Variants in GNA14 observed in about 807,000 individuals in gnomAD.
The protein encoded by GNA14 is G protein subunit alpha 14.
A neutral mutation model predicts 42.0 loss-of-function variants in GNA14; 50 were observed. That is an observed-to-expected ratio of 1.19 (90% CI 0.95 to 1.51). The LOEUF is 1.51. Ranked by LOEUF, GNA14 falls within the 40% of genes most tolerant of loss-of-function variation. GNA14 has a pLI of 0.00. For synonymous variants in GNA14, 173 were observed against 163.1 expected (o/e 1.06, Z -0.46); for missense variants, 473 against 446.2 (o/e 1.06, Z -0.54).
At chr9:77,472,857 T>C (rs947120619) in intron 2 of GNA14, among the ~76,000 whole-genome samples, 4 of 151,434 alleles carry the variant, frequency 2.6e-5, no homozygotes, top group Non-Finnish European at 5.9e-5. Flanking sequence ...ATGTGAACCA[T>C]CTGCAAGCCA....
intron 1 of GNA14, among the ~76,000 whole-genome samples, chr9:77,595,291 T>C (rs1823447428): frequency 6.6e-6 from 1 of 152,206 alleles, no homozygotes; most frequent in Admixed American, 6.5e-5. Flanking sequence ...ACTAGGTGGA[T>C]AAATTATAAA....
intron 1 of GNA14, among the ~76,000 whole-genome samples, chr9:77,613,086 C>A (rs550628217): frequency 6.6e-6 from 1 of 152,138 alleles, no homozygotes; most frequent in African/African-American, 2.4e-5. Flanking sequence ...ACTTGGAGAA[C>A]GTTATGCTAA....
At chr9:77,552,016 G>A (rs75485411) in intron 1 of GNA14, among the ~76,000 whole-genome samples, 52 of 151,190 alleles carry the variant, frequency 3.4e-4, no homozygotes, top group African/African-American at 1.0e-3. Context: ...GGTGGGCACT[G>A]GTAATCCCAG....
chr9:77,535,181 T>C (rs1421347149), intron 1 of GNA14, among the ~76,000 whole-genome samples: 1 of 152,240 alleles, frequency 6.6e-6, no homozygotes, highest in Non-Finnish European at 1.5e-5. Context: ...CCTTGGGCAG[T>C]AGCTACCCAT....
chr9:77,462,248 C>T (rs753035757), intron 2 of GNA14, among the ~76,000 whole-genome samples: 4 of 152,206 alleles, frequency 2.6e-5, no homozygotes, highest in Non-Finnish European at 4.4e-5. Flanking sequence ...GCAGCTGTGA[C>T]TCTCAGACAG....
intron 1 of GNA14, among the ~76,000 whole-genome samples, chr9:77,576,786 G>GT (rs1328536192): frequency 1.0e-5 from 1 of 98,230 alleles, no homozygotes; most frequent in Non-Finnish European, 2.5e-5. Context: ...CGGTTAAAAG[G>GT]TTAAAAAAAA....
At chr9:77,539,977 T>C (rs1336262573) in intron 1 of GNA14, among the ~76,000 whole-genome samples, 1 of 152,174 alleles carries the variant, frequency 6.6e-6, no homozygotes, top group Admixed American at 6.5e-5. Context: ...TTTTTTAGTC[T>C]CTGCTTCATT....
Position 77,498,383 on chromosome 9 carries a change from AAAAAAG to A in GNA14, c.309+30680_309+30685del, listed in dbSNP as rs869235464. On this transcript the variant is annotated intron_variant, in intron 2 of 6. Coordinates refer to ENST00000341700, the MANE Select transcript of GNA14 (RefSeq NM_004297.4). ...AGCAAAAGTCTGTCTCAAAAAAAAA[AAAAAAG>A]AAAAAAAAGAAAAAGAAAACAAGCT... is the stretch of plus-strand genomic sequence containing the variant. Among the ~76,000 whole-genome samples, 658 of 95,404 alleles carry A rather than the reference AAAAAAG, an allele frequency of 6.9e-3. 22 individuals are homozygous for A. The East Asian group carries it at 0.08, about 12-fold the overall frequency. The allele number at this position is 95,404 out of a possible 152,430, so 62.6% of individuals were successfully genotyped here. A position where few individuals can be genotyped will look rare whatever the true frequency, so the allele number is the denominator to read the frequency against.
intron 1 of GNA14, among the ~76,000 whole-genome samples, chr9:77,595,231 G>C (rs551695203): frequency 6.6e-6 from 1 of 152,298 alleles, no homozygotes; most frequent in African/African-American, 2.4e-5. Context: ...TATTTGTTAA[G>C]TTAATGTTTG....
intron 1 of GNA14, among the ~76,000 whole-genome samples, chr9:77,632,071 G>T (rs1047806684): frequency 6.6e-6 from 1 of 152,186 alleles, no homozygotes; most frequent in African/African-American, 2.4e-5. Context: ...TGCAGACCCA[G>T]GCACCCCTAT....
intron 2 of GNA14, among the ~76,000 whole-genome samples, chr9:77,458,393 G>A (rs1836044248): frequency 6.6e-6 from 1 of 152,172 alleles, no homozygotes; most frequent in African/African-American, 2.4e-5. Context: ...GACTAGGAAT[G>A]CGCTGGCCAC....
At chr9:77,498,041 C>A (rs1836901311) in intron 2 of GNA14, among the ~76,000 whole-genome samples, 1 of 152,130 alleles carries the variant, frequency 6.6e-6, no homozygotes, top group Admixed American at 6.5e-5. Context: ...TAACTGACCT[C>A]TTTGTTTCTT....
chr9:77,642,926 C>A (rs1002358155), intron 1 of GNA14, among the ~76,000 whole-genome samples: 1 of 152,148 alleles, frequency 6.6e-6, no homozygotes, highest in African/African-American at 2.4e-5. Flanking sequence ...TCACCCAAGC[C>A]CCCATGCGCA....
chr9:77,515,971 A>AAAAAAAAAAAAAAAAAAAAAAC (rs1554693936), intron 2 of GNA14, among the ~76,000 whole-genome samples: 2 of 147,316 alleles, frequency 1.4e-5, no homozygotes, highest in Non-Finnish European at 3.0e-5. Flanking sequence ...AAAAAAAAAA[A>AAAAAAAAAAAAAAAAAAAAAAC]AAAAAAAAAA....
At chr9:77,619,269 C>G (rs944593046) in intron 1 of GNA14, among the ~76,000 whole-genome samples, 1 of 152,124 alleles carries the variant, frequency 6.6e-6, no homozygotes, top group Admixed American at 6.5e-5. Context: ...TGCAATGGAG[C>G]AATCTCAGTT....
chr9:77,465,702 C>T (rs113911788), intron 2 of GNA14, among the ~76,000 whole-genome samples: 37 of 151,822 alleles, frequency 2.4e-4, no homozygotes, highest in Non-Finnish European at 2.9e-5. Context: ...GCCTTCTAAG[C>T]TCAAGCAATC....
At chr9:77,539,419 C>G (rs535490626) in intron 1 of GNA14, among the ~76,000 whole-genome samples, 1 of 152,028 alleles carries the variant, frequency 6.6e-6, no homozygotes, top group African/African-American at 2.4e-5. Flanking sequence ...AGTATTTAGT[C>G]GAAGACTTTT....
chr9:77,522,448 C>T (rs1050865332), intron 2 of GNA14, among the ~76,000 whole-genome samples: 2 of 152,178 alleles, frequency 1.3e-5, no homozygotes, highest in South Asian at 2.1e-4. Flanking sequence ...CAGCCCAGTT[C>T]GGCTGAACAC....
chr9:77,475,286 C>T (rs754715832), intron 2 of GNA14, among the ~76,000 whole-genome samples: 4 of 152,136 alleles, frequency 2.6e-5, no homozygotes, highest in Admixed American at 6.5e-5. Flanking sequence ...TAATCACCTA[C>T]GCCCACAGTC....
Sources: allele counts gnomAD v4.1 joint callset (sites outside exome capture counted in the v4.1 genomes callset), GRCh38; gene constraint gnomAD v4.1.1; transcripts MANE v1.5; gene names NCBI Gene and HGNC (gene_info 2026-07-23, HGNC 2026-07-21).